PRMT3: variants seen among roughly 807,000 people sequenced by gnomAD.
The protein encoded by PRMT3 is protein arginine methyltransferase 3.
In PRMT3, 62 loss-of-function variants were observed where a neutral mutation model predicts 71.9. That is an observed-to-expected ratio of 0.86 (90% CI 0.70 to 1.07). The LOEUF is 1.07. Among genes scored for constraint, PRMT3 ranks in the 50% least tolerant of loss-of-function variants. PRMT3 has a pLI of 0.00. For synonymous variants in PRMT3, 213 were observed against 220.4 expected (o/e 0.97, Z 0.30); for missense variants, 663 against 643.0 (o/e 1.03, Z -0.34).
chr11:20,397,676 T>C lies in PRMT3; in HGVS notation c.660T>C (p.Tyr220=), dbSNP rs113771285. 4.7e-5 allele frequency: 76 copies of C among 1,614,230 alleles called. No individual in the cohort carries two copies. The African/African-American group carries it at 9.1e-4, about 19-fold the overall frequency. Residue 220 remains tyrosine, a synonymous_variant, in exon 7 of 16, where the codon TAT becomes TAC. Transcript: ENST00000331079. ...ADLQEDEDGV[Y]FSSYGHYGIH... is the part of the protein sequence containing the mutation. ...TCCAGGAGGATGAGGATGGTGTTTA[T>C]TTCAGCTCATACGGGCATTATGGGA... is the stretch of plus-strand genomic sequence containing the variant.
chr11:20,399,835 T>C (rs1003222564), intron 7 of PRMT3, among the ~76,000 whole-genome samples: 30 of 152,206 alleles, frequency 2.0e-4, no homozygotes, highest in African/African-American at 6.8e-4. Flanking sequence ...AATGTACATA[T>C]AGATTTAAGA....
intron 13 of PRMT3, among the ~76,000 whole-genome samples, chr11:20,467,343 G>C (rs1850536928): frequency 6.6e-6 from 1 of 152,096 alleles, no homozygotes; most frequent in African/African-American, 2.4e-5. Context: ...TTTGAGATGA[G>C]TACTCATATT....
At chr11:20,426,369 A>G (rs1026401243) in intron 9 of PRMT3, among the ~76,000 whole-genome samples, 1 of 152,184 alleles carries the variant, frequency 6.6e-6, no homozygotes. Flanking sequence ...GGGTTAAATT[A>G]TGGGCTTGGG....
In PRMT3 at chr11:20,419,760, T is replaced by C. The variant is rs534867689; in HGVS notation, c.894-7006T>C. On this transcript the variant is annotated intron_variant, in intron 9 of 15. Coordinates refer to ENST00000331079, the MANE Select transcript of PRMT3 (RefSeq NM_005788.4). ...CTTACACTATCATTTTTATCAAGAA[T>C]CAAGCATCATTATATGAGGTCTTTA... is the stretch of plus-strand genomic sequence containing the variant. 5.9e-5 allele frequency among the ~76,000 whole-genome samples: 9 copies of C among 152,326 alleles called. No individual in the cohort carries two copies. The South Asian group carries it at 1.9e-3, about 32-fold the overall frequency.
At position 20,426,816 on chromosome 11, in the gene PRMT3, A is replaced by G; in HGVS notation, c.944A>G (p.Glu315Gly). 6.5e-7 allele frequency: 1 copy of G among 1,528,244 alleles called. No homozygotes were observed. The highest frequency in any genetic ancestry group is 1.3e-5 in the South Asian group (1 of 74,940). The allele number at this position is 1,528,244 out of a possible 1,614,324, so 94.7% of individuals were successfully genotyped here. The change falls in exon 10 of 16, where the codon GAA (glutamate) becomes GGA (glycine). Residue 315 changes from glutamate to glycine, a missense_variant. By Grantham distance (98) the Glu-to-Gly change is moderately conservative. Coordinates refer to ENST00000331079, the MANE Select transcript of PRMT3 (RefSeq NM_005788.4). ...TITLIKGKIE[E>G]VHLPVEKVDV... The stretch of plus-strand genomic sequence containing the variant: ...ACACTAATTAAAGGAAAGATTGAAG[A>G]AGTTCATCTTCCTGTAGAAAAAGTA...
chr11:20,469,116 C>G (rs1444618030), intron 13 of PRMT3, among the ~76,000 whole-genome samples: 4 of 152,172 alleles, frequency 2.6e-5, no homozygotes, highest in Non-Finnish European at 4.4e-5. Context: ...ATAAAATTGT[C>G]ATTGCTTTTA....
Position 20,495,921 on chromosome 11 carries a change from A to G in PRMT3, c.1486+1667A>G, listed in dbSNP as rs918025327. 2.0e-5 allele frequency among the ~76,000 whole-genome samples: 3 copies of G among 152,224 alleles called. 1 individual carries two copies. In the South Asian group the frequency reaches 6.2e-4, roughly 32 times the overall value. On this transcript the variant is annotated intron_variant, in intron 15 of 15. Transcript: ENST00000331079. ...CATCAATTGGGGGAAGAAAATACAT[A>G]AAGTTTAACAATGTCAAGTGCTGGC...
chr11:20,474,707 A>G lies in PRMT3; in HGVS notation c.1347+10161A>G, dbSNP rs1181055283. ...AGTGTTCCTTTGGCTTCGTGCTGTT[A>G]GAATGCTTGTTCTTCAGTACTGCAA... On this transcript the variant is annotated intron_variant, in intron 13 of 15. Transcript: ENST00000331079. Among the ~76,000 whole-genome samples, 3 of 152,228 alleles carry G rather than the reference A, an allele frequency of 2.0e-5. No homozygotes were observed. In the East Asian group the frequency reaches 5.8e-4, roughly 29 times the overall value.
chr11:20,424,931 C>T lies in PRMT3; in HGVS notation c.894-1835C>T, dbSNP rs1849511985. ...AGACCAGCCACAACATAGAGAAGCC[C>T]CATCTCTACAAAGAACACAAATATT... On this transcript the variant is annotated intron_variant, in intron 9 of 15. Transcript: ENST00000331079. Among the ~76,000 whole-genome samples the T allele has an allele frequency of 4.6e-5, 7 of 151,950 alleles. No individual in the cohort carries two copies. The South Asian group carries it at 1.5e-3, about 32-fold the overall frequency.
chr11:20,465,610 GA>G (rs1412817242), intron 13 of PRMT3, among the ~76,000 whole-genome samples: 1 of 151,842 alleles, frequency 6.6e-6, no homozygotes, highest in Non-Finnish European at 1.5e-5. Flanking sequence ...AATGTACTTT[GA>G]TGTTTTGAGG....
intron 10 of PRMT3, among the ~76,000 whole-genome samples, chr11:20,444,313 G>A (rs960851138): frequency 6.6e-6 from 1 of 152,104 alleles, no homozygotes; most frequent in African/African-American, 2.4e-5. Flanking sequence ...TTAACAAATA[G>A]TGTGGCTACT....
chr11:20,400,003 T>A (rs976722783), intron 7 of PRMT3, among the ~76,000 whole-genome samples: 4 of 152,220 alleles, frequency 2.6e-5, no homozygotes, highest in African/African-American at 9.6e-5. Flanking sequence ...GGATAGTTGA[T>A]TCAAAAAGAA....
intron 7 of PRMT3, among the ~76,000 whole-genome samples, chr11:20,398,113 T>A (rs1293878649): frequency 6.6e-6 from 1 of 151,990 alleles, no homozygotes; most frequent in South Asian, 2.1e-4. Context: ...CCTTAAAATA[T>A]TGGAAAAACG....
chr11:20,489,579 T>TGGTA (rs566314912), intron 13 of PRMT3, among the ~76,000 whole-genome samples: 129 of 152,258 alleles, frequency 8.5e-4, no homozygotes, highest in African/African-American at 2.9e-3. Context: ...GTCAAAGTGA[T>TGGTA]GGTAGCAAGG....
intron 8 of PRMT3, among the ~76,000 whole-genome samples, chr11:20,405,018 A>G (rs1849040352): frequency 6.6e-6 from 1 of 152,210 alleles, no homozygotes; most frequent in South Asian, 2.1e-4. Flanking sequence ...AGTATTAGTA[A>G]TCATAAGATT....
chr11:20,444,865 TTCTC>T (rs1565215353), intron 10 of PRMT3, among the ~76,000 whole-genome samples: 1 of 152,100 alleles, frequency 6.6e-6, no homozygotes, highest in Admixed American at 6.6e-5. Context: ...GGTTGTCTCT[TTCTC>T]TTTTCAGTTC....
intron 11 of PRMT3, among the ~76,000 whole-genome samples, chr11:20,455,413 T>G (rs550362356): frequency 2.8e-4 from 43 of 152,054 alleles, no homozygotes; most frequent in Non-Finnish European, 5.7e-4. Context: ...TTAAATTGAG[T>G]GATGAGGTTG....
chr11:20,467,751 G>A (rs981909326), intron 13 of PRMT3, among the ~76,000 whole-genome samples: 1 of 152,100 alleles, frequency 6.6e-6, no homozygotes, highest in Non-Finnish European at 1.5e-5. Flanking sequence ...ATACTTGTTT[G>A]GTTAAGCATC....
intron 9 of PRMT3, among the ~76,000 whole-genome samples, chr11:20,416,228 C>G (rs182515485): frequency 4.6e-5 from 7 of 152,180 alleles, no homozygotes; most frequent in Non-Finnish European, 8.8e-5. Context: ...CTTAATTCTC[C>G]TCTATTTTAA....
Sources: allele counts gnomAD v4.1 joint callset (sites outside exome capture counted in the v4.1 genomes callset), GRCh38; gene constraint gnomAD v4.1.1; transcripts MANE v1.5; gene names NCBI Gene and HGNC (gene_info 2026-07-23, HGNC 2026-07-21).